The following LRIG3 variants were observed in gnomAD, a reference collection of about 807,000 sequenced individuals.
The protein encoded by LRIG3 is leucine rich repeats and immunoglobulin like domains 3.
In LRIG3, 76 loss-of-function variants were observed where a neutral mutation model predicts 114.5. The observed-to-expected ratio is 0.66, with a 90% CI of 0.55 to 0.80. The LOEUF is 0.80. Among genes scored for constraint, LRIG3 ranks in the 30% least tolerant of loss-of-function variants. The pLI is 0.00. For synonymous variants in LRIG3, 512 were observed against 519.8 expected (o/e 0.98, Z 0.20); for missense variants, 1,239 against 1,382.8 (o/e 0.90, Z 1.65).
At chr12:58,919,034 T>G (rs1365603785) in intron 1 of LRIG3, among the ~76,000 whole-genome samples, 2 of 152,260 alleles carry the variant, frequency 1.3e-5, no homozygotes, top group East Asian at 3.8e-4. Context: ...TTCTGCTAAG[T>G]CAAAATATAA....
rs1592293003 is a variant in LRIG3, at chr12:58,877,348, A to C, written c.2536+52T>G. On this transcript the variant is annotated intron_variant, in intron 15 of 18. Transcript: ENST00000320743. The stretch of plus-strand genomic sequence containing the variant: ...CACACGTTCTAGAAGTATTTGCAGA[A>C]CCACAAATACACATGACTCCGGTGA... 8.4e-6 allele frequency: 13 copies of C among 1,555,854 alleles called. No individual in the cohort carries two copies. The East Asian group carries it at 2.7e-4, about 32-fold the overall frequency.
At chr12:58,910,425 C>T (rs1412653650) in intron 3 of LRIG3, among the ~76,000 whole-genome samples, 6 of 151,884 alleles carry the variant, frequency 4.0e-5, no homozygotes, top group African/African-American at 1.2e-4. Flanking sequence ...CTGGCTAACA[C>T]GGTGAAACCC....
chr12:58,883,270 G>GA (rs1435411837), intron 11 of LRIG3, among the ~76,000 whole-genome samples: 1 of 152,152 alleles, frequency 6.6e-6, no homozygotes, highest in Non-Finnish European at 1.5e-5. Flanking sequence ...CCTTACAACT[G>GA]AAAAAATTAC....
At chr12:58,919,643 G>A (rs1181734132) in intron 1 of LRIG3, 3 of 1,414,522 alleles carry the variant, frequency 2.1e-6, no homozygotes, top group Non-Finnish European at 2.8e-6. Flanking sequence ...ATGTGTGCAG[G>A]TTGCCGCTTA....
At chr12:58,888,049 TTAA>T in intron 7 of LRIG3, 117 bp from the exon 8 acceptor site, 1 of 911,668 alleles carries the variant, frequency 1.1e-6, no homozygotes, top group South Asian at 2.0e-5. Context: ...AAATTCTGCC[TTAA>T]TAATATCCAA....
At chr12:58,891,866 A>T (rs1871466729) in intron 3 of LRIG3, among the ~76,000 whole-genome samples, 2 of 152,136 alleles carry the variant, frequency 1.3e-5, no homozygotes, top group African/African-American at 4.8e-5. Context: ...ATTTAAATTA[A>T]TTCAAATTAA....
intron 18 of LRIG3, chr12:58,873,497 C>T (rs532987001): frequency 2.9e-4 from 46 of 156,974 alleles, no homozygotes; most frequent in East Asian, 9.4e-4. Context: ...CCTATTATCC[C>T]CATGCATCAG....
chr12:58,882,670 G>A (rs569162921), intron 12 of LRIG3, among the ~76,000 whole-genome samples, 199 bp downstream of exon 12: 11 of 152,120 alleles, frequency 7.2e-5, no homozygotes, highest in Non-Finnish European at 1.6e-4. Context: ...CCAAAACAAA[G>A]ATGAAGCAAT....
chr12:58,879,370 AT>A (rs1334400113), intron 13 of LRIG3, among the ~76,000 whole-genome samples: 1 of 152,126 alleles, frequency 6.6e-6, no homozygotes, highest in East Asian at 1.9e-4. Context: ...TCTTCCTGCT[AT>A]TTTCTGCCAC....
At chr12:58,915,410 CCCT>C in intron 1 of LRIG3, among the ~76,000 whole-genome samples, 1 of 151,826 alleles carries the variant, frequency 6.6e-6, no homozygotes, top group East Asian at 1.9e-4. Flanking sequence ...ATAAGTACAC[CCCT>C]CCTAAAAAAT....
intron 13 of LRIG3, among the ~76,000 whole-genome samples, chr12:58,880,179 C>G (rs1004220293): frequency 2.6e-5 from 4 of 151,802 alleles, no homozygotes; most frequent in Admixed American, 6.6e-5. Flanking sequence ...GCCTGTAATC[C>G]CAGCTACTCA....
chr12:58,881,527 C>T (rs1033239205), intron 12 of LRIG3, among the ~76,000 whole-genome samples: 6 of 152,096 alleles, frequency 3.9e-5, no homozygotes, highest in African/African-American at 9.7e-5. Flanking sequence ...CGTGCCGCCG[C>T]GCTGCCCTGT....
chr12:58,896,698 C>A (rs1458027457), intron 3 of LRIG3, among the ~76,000 whole-genome samples: 1 of 152,184 alleles, frequency 6.6e-6, no homozygotes, highest in Non-Finnish European at 1.5e-5. Context: ...TACCGTCTTT[C>A]CTTAGAATGC....
At position 58,890,555 on chromosome 12, in the gene LRIG3, A is replaced by T. The variant is rs983871492; in HGVS notation, c.515+110T>A. Reference sequence around the variant, plus strand: ...ACAGCAAATTTCAAGTCAATAAATTATACTTTCAATCCATCAGTAGTAAAG... The same window carrying T: ...ACAGCAAATTTCAAGTCAATAAATTTTACTTTCAATCCATCAGTAGTAAAG... On this transcript the variant is annotated intron_variant, in intron 4 of 18. Transcript: ENST00000320743. 5 of 1,027,986 alleles carry T rather than the reference A, an allele frequency of 4.9e-6. No individual in the cohort carries two copies. In the African/African-American group the frequency reaches 8.4e-5, roughly 17 times the overall value. The allele number at this position is 1,027,986 out of a possible 1,614,324, so 63.7% of individuals were successfully genotyped here.
intron 3 of LRIG3, among the ~76,000 whole-genome samples, chr12:58,898,949 G>C (rs1329727906): frequency 1.3e-5 from 2 of 152,180 alleles, no homozygotes; most frequent in Non-Finnish European, 2.9e-5. Flanking sequence ...GAGCCACCAC[G>C]CCCAGCCTCT....
chr12:58,888,790 C>CT, intron 6 of LRIG3, 29 bp downstream of exon 6: 1 of 1,610,840 alleles, frequency 6.2e-7, no homozygotes, highest in Non-Finnish European at 8.5e-7. Context: ...CATACTACCT[C>CT]AGTAGGAACT....
chr12:58,909,123 CCT>C (rs1565623329), intron 3 of LRIG3, among the ~76,000 whole-genome samples: 1 of 152,120 alleles, frequency 6.6e-6, no homozygotes, highest in African/African-American at 2.4e-5. Context: ...CTGTAAAACC[CCT>C]CTTTGGCCAC....
chr12:58,883,038 G>T lies in LRIG3; in HGVS notation c.1317-6C>A. ...GGCTTGATGTATTTAAATGCCTGAG[G>T]AGAGTAATTACATTCAATTTGTTCT... On this transcript the variant is annotated splice_polypyrimidine_tract_variant and splice_region_variant and intron_variant, in intron 11 of 18. Coordinates refer to ENST00000320743, the MANE Select transcript of LRIG3 (RefSeq NM_153377.5). 1 of 1,604,076 alleles carries T rather than the reference G, an allele frequency of 6.2e-7. No homozygotes were observed. Among genetic ancestry groups the T allele is most frequent in the South Asian group, 1.1e-5 (1 of 89,648 alleles).
At chr12:58,889,953 TGGA>T in intron 5 of LRIG3, 40 bp downstream of exon 5, 1 of 1,598,802 alleles carries the variant, frequency 6.3e-7, no homozygotes, top group Non-Finnish European at 8.5e-7. Context: ...ACCAAGGGTT[TGGA>T]GGAGGTGAGA....
Sources: allele counts gnomAD v4.1 joint callset (sites outside exome capture counted in the v4.1 genomes callset), GRCh38; gene constraint gnomAD v4.1.1; transcripts MANE v1.5; gene names NCBI Gene and HGNC (gene_info 2026-07-23, HGNC 2026-07-21).